Variants in NVL observed in about 807,000 individuals in gnomAD.
NVL encodes nuclear VCP like, also known as nuclear valosin-containing protein-like.
In NVL, 84 loss-of-function variants were observed where a neutral mutation model predicts 110.2. The ratio of observed to expected loss-of-function variants is 0.76; its 90% CI spans 0.64 to 0.91. The LOEUF (loss-of-function observed/expected upper bound fraction) is 0.91. NVL is among the 40% of genes least tolerant of loss of function. NVL has a pLI of 0.00. For missense variants in NVL, 882 were observed against 1,035.9 expected (o/e 0.85, Z 2.04); for synonymous variants, 354 against 361.1 (o/e 0.98, Z 0.22).
At chr1:224,294,890 C>T (rs1667728378) in intron 11 of NVL, among the ~76,000 whole-genome samples, 1 of 152,162 alleles carries the variant, frequency 6.6e-6, no homozygotes, top group Non-Finnish European at 1.5e-5. Flanking sequence ...ATGCATGGCA[C>T]ATCCAGGCAA....
At chr1:224,275,515 C>A in intron 16 of NVL, 57 bp from the exon 17 acceptor site, 1 of 1,607,068 alleles carries the variant, frequency 6.2e-7, no homozygotes, top group South Asian at 1.1e-5. Context: ...TGGTTTGGGT[C>A]AAATGATACT....
At chr1:224,272,816 C>A (rs1335007760) in intron 17 of NVL, among the ~76,000 whole-genome samples, 1 of 151,346 alleles carries the variant, frequency 6.6e-6, no homozygotes, top group Admixed American at 6.6e-5. Flanking sequence ...GGGCGGATCG[C>A]GAGGTCAGGA....
At chr1:224,276,534 G>A (rs950885269) in intron 16 of NVL, among the ~76,000 whole-genome samples, 5 of 152,018 alleles carry the variant, frequency 3.3e-5, no homozygotes, top group South Asian at 2.1e-4. Context: ...CACTGCCCCC[G>A]GCCTACAGTG....
intron 16 of NVL, among the ~76,000 whole-genome samples, chr1:224,278,121 T>C (rs1665947828): frequency 1.3e-5 from 2 of 152,104 alleles, no homozygotes; most frequent in South Asian, 4.1e-4. Flanking sequence ...TCACATTTCC[T>C]ACTGCCTGCT....
chr1:224,276,366 A>G (rs1274465301), intron 16 of NVL, among the ~76,000 whole-genome samples: 1 of 152,098 alleles, frequency 6.6e-6, no homozygotes, highest in Non-Finnish European at 1.5e-5. Context: ...CCTCCTGAGT[A>G]GCTAGGATTG....
intron 19 of NVL, among the ~76,000 whole-genome samples, chr1:224,240,458 G>A (rs566955762): frequency 1.3e-5 from 2 of 151,974 alleles, no homozygotes; most frequent in Admixed American, 6.6e-5. Context: ...TGATCTGCCC[G>A]CCTCCGCCTC....
At chr1:224,261,613 G>C (rs1021660807) in intron 18 of NVL, among the ~76,000 whole-genome samples, 9 of 152,010 alleles carry the variant, frequency 5.9e-5, no homozygotes, top group African/African-American at 1.9e-4. Flanking sequence ...AAGGAAGTTC[G>C]CTTATTTCCA....
chr1:224,330,089 G>C lies in NVL; in HGVS notation c.39C>G (p.Leu13=). The C allele has an allele frequency of 9.3e-6, 15 of 1,614,156 alleles. No homozygotes were observed. The highest frequency in any genetic ancestry group is 1.3e-5 in the Non-Finnish European group (15 of 1,180,014). Residue 13 remains leucine, a synonymous_variant, in exon 1 of 23, where the codon CTC becomes CTG. Coordinates refer to ENST00000281701, the MANE Select transcript of NVL (RefSeq NM_002533.4). ...TACACACCTGGATGACTCGCTGCTT[G>C]AGTTTATTATCCACGAACCCTGCAG... is the stretch of plus-strand genomic sequence containing the variant. ...PRPAGFVDNK[L]KQRVIQYLTS...
At chr1:224,261,384 A>G (rs562213358) in intron 18 of NVL, among the ~76,000 whole-genome samples, 1 of 152,332 alleles carries the variant, frequency 6.6e-6, no homozygotes, top group Admixed American at 6.5e-5. Context: ...AAAATACGTA[A>G]TTATTGAGTA....
intron 18 of NVL, among the ~76,000 whole-genome samples, chr1:224,252,906 ATAGAT>A (rs920066546): frequency 6.6e-6 from 1 of 152,226 alleles, no homozygotes; most frequent in African/African-American, 2.4e-5. Context: ...TTTTGGCACT[ATAGAT>A]TAGTTTGCAT....
chr1:224,296,184 T>C (rs1334417747), intron 11 of NVL, among the ~76,000 whole-genome samples: 1 of 152,050 alleles, frequency 6.6e-6, no homozygotes, highest in Non-Finnish European at 1.5e-5. Context: ...TACAATCTGG[T>C]AATGCAAGGA....
chr1:224,304,942 T>G, intron 7 of NVL, 92 bp downstream of exon 7: 1 of 1,545,262 alleles, frequency 6.5e-7, no homozygotes, highest in Non-Finnish European at 8.9e-7. Context: ...TTTCTGCACA[T>G]AGAAGGTCCC....
chr1:224,240,359 G>A lies in NVL; in HGVS notation c.2290-3777C>T, dbSNP rs1003611957. Among the ~76,000 whole-genome samples the A allele has an allele frequency of 3.9e-5, 6 of 151,972 alleles. No individual in the cohort carries two copies. In the East Asian group the frequency reaches 5.8e-4, roughly 15 times the overall value. On this transcript the variant is annotated intron_variant, in intron 19 of 22. Transcript: ENST00000281701. ...GCTAGGATTACAGGCGTGAGCCACC[G>A]TGCCCAGCCAACGCTGGGTAGTTTT...
intron 6 of NVL, among the ~76,000 whole-genome samples, chr1:224,305,808 G>A (rs1668862422): frequency 6.6e-6 from 1 of 152,240 alleles, no homozygotes; most frequent in Admixed American, 6.5e-5. Context: ...CTCCCAAAGT[G>A]CTGGGATTAC....
chr1:224,284,631 C>T (rs1472489836), intron 15 of NVL, among the ~76,000 whole-genome samples: 4 of 152,118 alleles, frequency 2.6e-5, no homozygotes, highest in East Asian at 3.9e-4. Context: ...CCACCCGCCT[C>T]GGCCTCCCAA....
chr1:224,310,228 T>C (rs951020790), intron 5 of NVL, among the ~76,000 whole-genome samples: 1 of 149,698 alleles, frequency 6.7e-6, no homozygotes, highest in African/African-American at 2.5e-5. Context: ...ACTATTTACA[T>C]CTCATTTACA....
In NVL at chr1:224,311,800, C is replaced by T. The variant is rs747731560; in HGVS notation, c.342G>A (p.Gln114=). 1 of 1,612,646 alleles carries T rather than the reference C, an allele frequency of 6.2e-7. No individual in the cohort carries two copies. Among genetic ancestry groups the T allele is most frequent in the South Asian group, 1.1e-5 (1 of 91,012 alleles). Reference sequence around the variant, plus strand: ...TGGACCCACTAAATGTTTGGCTTACCTGTGGATCTGGGTAGTCTTCCATAC... The same window carrying T: ...TGGACCCACTAAATGTTTGGCTTACTTGTGGATCTGGGTAGTCTTCCATAC... ...DSSMEDYPDP[Q]SANHMNSSLL... Residue 114 remains glutamine, a splice_region_variant and synonymous_variant, in exon 5 of 23, where the codon CAG becomes CAA. Transcript: ENST00000281701.
intron 10 of NVL, among the ~76,000 whole-genome samples, chr1:224,297,925 G>A (rs902565198): frequency 1.3e-5 from 2 of 151,706 alleles, no homozygotes; most frequent in Non-Finnish European, 2.9e-5. Flanking sequence ...GTGCATGTCT[G>A]TAATCCCAGC....
chr1:224,306,330 G>C (rs1248458190), intron 6 of NVL, among the ~76,000 whole-genome samples: 1 of 152,010 alleles, frequency 6.6e-6, no homozygotes, highest in African/African-American at 2.4e-5. Context: ...GCAGTGGCAC[G>C]ATCTCAGCGC....
Sources: allele counts gnomAD v4.1 joint callset (sites outside exome capture counted in the v4.1 genomes callset), GRCh38; gene constraint gnomAD v4.1.1; transcripts MANE v1.5; gene names NCBI Gene and HGNC (gene_info 2026-07-23, HGNC 2026-07-21).